CTNNA2: variants seen among roughly 807,000 people sequenced by gnomAD.
CTNNA2 encodes catenin alpha-2.
In CTNNA2, 42 loss-of-function variants were observed where a neutral mutation model predicts 101.0. That is an observed-to-expected ratio of 0.42 (90% CI 0.32 to 0.54). CTNNA2 has a LOEUF of 0.54. Ranked by LOEUF, CTNNA2 falls within the 20% of genes least tolerant of loss-of-function variation. The pLI, the probability that CTNNA2 is intolerant of heterozygous loss-of-function variation, is 0.14. For synonymous variants in CTNNA2, 450 were observed against 456.4 expected (o/e 0.99, Z 0.18); for missense variants, 871 against 1,223.1 (o/e 0.71, Z 4.29).
chr2:80,219,698 A>T (rs2149051721), intron 7 of CTNNA2, among the ~76,000 whole-genome samples: 1 of 152,308 alleles, frequency 6.6e-6, no homozygotes, highest in East Asian at 1.9e-4. Flanking sequence ...TTTGATTAAC[A>T]AAAACAAAAA....
intron 1 of CTNNA2, among the ~76,000 whole-genome samples, chr2:79,190,474 A>G (rs1396234444): frequency 2.0e-5 from 3 of 152,078 alleles, no homozygotes; most frequent in Admixed American, 6.5e-5. Context: ...AGTTACATTC[A>G]TGATCACCAT....
At chr2:79,361,153 G>A (rs1163014839) in intron 3 of CTNNA2, among the ~76,000 whole-genome samples, 2 of 152,144 alleles carry the variant, frequency 1.3e-5, no homozygotes, top group Non-Finnish European at 2.9e-5. Flanking sequence ...CCTATATTGA[G>A]ATCTGCAGTA....
intron 7 of CTNNA2, among the ~76,000 whole-genome samples, chr2:80,283,506 A>G (rs552183197): frequency 1.2e-4 from 18 of 152,316 alleles, no homozygotes; most frequent in Non-Finnish European, 2.1e-4. Flanking sequence ...AGACCTACAT[A>G]AAAAGGCAGT....
At chr2:80,321,569 A>G (rs1678691893) in intron 7 of CTNNA2, among the ~76,000 whole-genome samples, 1 of 152,238 alleles carries the variant, frequency 6.6e-6, no homozygotes, top group Admixed American at 6.5e-5. Flanking sequence ...CATAAAATGT[A>G]TGCAAATGAA....
intron 9 of CTNNA2, among the ~76,000 whole-genome samples, chr2:80,536,748 T>A (rs1691060041): frequency 6.6e-6 from 1 of 152,228 alleles, no homozygotes; most frequent in East Asian, 1.9e-4. Flanking sequence ...GCTTTTCTTG[T>A]GAGTGTTCAA....
chr2:79,780,466 G>A (rs1216304163), intron 3 of CTNNA2, among the ~76,000 whole-genome samples: 1 of 152,168 alleles, frequency 6.6e-6, no homozygotes, highest in African/African-American at 2.4e-5. Context: ...TAAGGCTTTT[G>A]TCTGGGGAAT....
chr2:80,232,388 T>G (rs1195744039), intron 7 of CTNNA2, among the ~76,000 whole-genome samples: 1 of 107,380 alleles, frequency 9.3e-6, no homozygotes, highest in Non-Finnish European at 2.1e-5. Context: ...TTTTTTTTTT[T>G]GTTAACACTA....
intron 9 of CTNNA2, among the ~76,000 whole-genome samples, chr2:80,466,961 A>T (rs1277910464): frequency 6.6e-6 from 1 of 152,180 alleles, no homozygotes; most frequent in African/African-American, 2.4e-5. Context: ...GCTACATGTC[A>T]TTGTATCTCC....
intron 1 of CTNNA2, among the ~76,000 whole-genome samples, chr2:79,629,202 G>T (rs139735592): frequency 8.9e-4 from 136 of 152,168 alleles, no homozygotes; most frequent in Middle Eastern, 6.8e-3. Context: ...ATAAATTGCT[G>T]GGAGTTGAAT....
intron 4 of CTNNA2, among the ~76,000 whole-genome samples, chr2:79,449,023 C>T (rs1211036115): frequency 6.6e-6 from 1 of 151,988 alleles, no homozygotes; most frequent in Non-Finnish European, 1.5e-5. Flanking sequence ...TATTTTGAAA[C>T]CGCATGATGC....
chr2:79,241,721 T>C (rs1395977714), intron 2 of CTNNA2, among the ~76,000 whole-genome samples: 1 of 152,164 alleles, frequency 6.6e-6, no homozygotes, highest in Non-Finnish European at 1.5e-5. Flanking sequence ...GCTTCATCAG[T>C]TCATGTTCTT....
chr2:79,890,024 T>C (rs1288468473), intron 6 of CTNNA2, among the ~76,000 whole-genome samples: 3 of 152,214 alleles, frequency 2.0e-5, no homozygotes, highest in Non-Finnish European at 4.4e-5. Context: ...ACAAGTCCAG[T>C]GTGAATACTA....
At chr2:80,553,264 T>G in intron 11 of CTNNA2, among the ~76,000 whole-genome samples, 1 of 152,022 alleles carries the variant, frequency 6.6e-6, no homozygotes, top group South Asian at 2.1e-4. Flanking sequence ...ATTAGTCAAT[T>G]AGTAAATTAT....
At chr2:80,151,404 C>A (rs1234056469) in intron 7 of CTNNA2, among the ~76,000 whole-genome samples, 1 of 152,288 alleles carries the variant, frequency 6.6e-6, no homozygotes, top group African/African-American at 2.4e-5. Flanking sequence ...ACACTAATGA[C>A]AAGCTATTGC....
At chr2:79,834,623 T>C (rs1302766940) in intron 3 of CTNNA2, among the ~76,000 whole-genome samples, 1 of 90,014 alleles carries the variant, frequency 1.1e-5, no homozygotes, top group African/African-American at 4.5e-5. Flanking sequence ...ATTCAAACTT[T>C]GTATTTTATG....
At chr2:80,628,675 C>A (rs889130059) in intron 18 of CTNNA2, among the ~76,000 whole-genome samples, 2 of 151,746 alleles carry the variant, frequency 1.3e-5, no homozygotes, top group Non-Finnish European at 2.9e-5. Context: ...TTTTTTTCTA[C>A]AGTTTTTAGG....
chr2:80,037,999 G>T (rs1354586423), intron 7 of CTNNA2, among the ~76,000 whole-genome samples: 2 of 152,092 alleles, frequency 1.3e-5, no homozygotes, highest in Non-Finnish European at 2.9e-5. Context: ...CCTAATTGGG[G>T]GTGATGACAT....
At chr2:80,527,219 G>A (rs372724493) in intron 9 of CTNNA2, among the ~76,000 whole-genome samples, 1 of 152,214 alleles carries the variant, frequency 6.6e-6, no homozygotes, top group Non-Finnish European at 1.5e-5. Context: ...ATGACATGAG[G>A]ATAATTTTTT....
At chr2:79,242,923 C>T (rs1674645469) in intron 2 of CTNNA2, among the ~76,000 whole-genome samples, 1 of 148,760 alleles carries the variant, frequency 6.7e-6, no homozygotes, top group African/African-American at 2.5e-5. Context: ...GCTATGATAA[C>T]ATCACTGTAC....
Sources: gnomAD v4.1 joint callset for allele counts (sites outside exome capture counted in the v4.1 genomes callset) on GRCh38, gnomAD v4.1.1 for gene constraint, MANE v1.5 for transcripts, NCBI Gene and HGNC (gene_info 2026-07-23, HGNC 2026-07-21) for gene names.